CMTR1: variants seen among roughly 807,000 people sequenced by gnomAD.
CMTR1 encodes cap-specific mRNA (nucleoside-2'-O-)-methyltransferase 1.
In CMTR1, 39 loss-of-function variants were observed where a neutral mutation model predicts 107.0. The observed-to-expected ratio is 0.36, with a 90% CI of 0.28 to 0.48. CMTR1 has a LOEUF of 0.48. Ranked by LOEUF, CMTR1 falls within the 20% of genes least tolerant of loss-of-function variation. The probability of loss-of-function intolerance (pLI) is 0.99; values close to 1 mark genes in which losing one functional copy is unlikely to be tolerated. For synonymous variants in CMTR1, 366 were observed against 379.5 expected, an observed-to-expected ratio of 0.96 and a Z score of 0.41; for missense variants, 672 against 1,064.9, an observed-to-expected ratio of 0.63 and a Z score of 5.14.
rs1371111035 is a variant in CMTR1 at position 37,462,010 on chromosome 6, G to A, written c.1233G>A (p.Pro411=). 13 of 1,613,614 alleles carry A rather than the reference G, an allele frequency of 8.1e-6. 1 individual carries two copies. Among genetic ancestry groups the A allele is most frequent in the South Asian group, 2.2e-5 (2 of 91,056 alleles). ...GTAAAACCTTTGACCTGTTCACACC[G>A]TTTAGTGTGGGGCTTGTCTACCTGC... ...FICKTFDLFT[P]FSVGLVYLLY... is the part of the protein sequence containing the mutation. Residue 411 remains proline (P), a synonymous_variant, in exon 12 of 24, where the codon CCG becomes CCA. Transcript: ENST00000373451.
chr6:37,451,430 C>T (rs1164386615), intron 5 of CMTR1, among the ~76,000 whole-genome samples: 1 of 152,204 alleles, frequency 6.6e-6, no homozygotes, highest in Non-Finnish European at 1.5e-5. Flanking sequence ...CACAGAGAGG[C>T]TTCCTGGTGG....
intron 13 of CMTR1, among the ~76,000 whole-genome samples, chr6:37,470,116 C>CCTTT (rs1286700777): frequency 3.3e-5 from 5 of 151,702 alleles, no homozygotes; most frequent in Admixed American, 2.6e-4. Flanking sequence ...TATATCTTTG[C>CCTTT]TGAAAATCTT....
chr6:37,424,235 AC>A, the CMTR1 span, among the ~76,000 whole-genome samples: 1 of 124,244 alleles, frequency 8.0e-6, no homozygotes, highest in Non-Finnish European at 1.6e-5. Flanking sequence ...CTGCCTAAGT[AC>A]CTTTTTCTTT....
At chr6:37,474,060 TAA>T (rs1257376923) in intron 17 of CMTR1, among the ~76,000 whole-genome samples, 2 of 152,240 alleles carry the variant, frequency 1.3e-5, no homozygotes, top group Admixed American at 6.5e-5. Flanking sequence ...CTTAACTGGG[TAA>T]AGTCATTGCT....
chr6:37,458,584 C>G lies in CMTR1; in HGVS notation c.778-28C>G. 1.2e-6 allele frequency: 2 copies of G among 1,609,260 alleles called. No homozygotes were observed. Among genetic ancestry groups the G allele is most frequent in the Non-Finnish European group, 1.7e-6 (2 of 1,178,212 alleles). ...CCATTGAGCTGTCTTGTTTTCCTTC[C>G]TCTCCTGTCCTCCACTTGCCTTTGC... is the stretch of plus-strand genomic sequence containing the variant. On this transcript the variant is annotated intron_variant, in intron 8 of 23. Transcript: ENST00000373451. The surrounding 1 kb of genome is among the most constrained non-coding windows in gnomAD (Gnocchi z 4.7).
Position 37,470,126 on chromosome 6 carries a change from TC to T in CMTR1, c.1506-894del, listed in dbSNP as rs1256809935. ...GTTTCTATATCTTTGCTGAAAATCT[TC>T]ACCTTTTTATATATGTCATTCACCC... On this transcript the variant is annotated intron_variant, in intron 13 of 23. Coordinates refer to ENST00000373451, the MANE Select transcript of CMTR1 (RefSeq NM_015050.3). Among the ~76,000 whole-genome samples, 3 of 152,120 alleles carry T rather than the reference TC, an allele frequency of 2.0e-5. No homozygotes were observed. The East Asian group carries it at 5.8e-4, about 29-fold the overall frequency.
intron 3 of CMTR1, 120 bp from the exon 4 acceptor site, chr6:37,446,171 A>G (rs918081328): frequency 1.3e-5 from 15 of 1,127,070 alleles, no homozygotes; most frequent in Non-Finnish European, 1.8e-5. Flanking sequence ...AGGCTAAGAC[A>G]AACTTTAGAC....
Position 37,472,612 on chromosome 6 carries a change from A to G in CMTR1, c.1689+125A>G, listed in dbSNP as rs1581752060. On this transcript the variant is annotated intron_variant, in intron 16 of 23. Transcript: ENST00000373451. The surrounding 1 kb of genome is among the most constrained non-coding windows in gnomAD (Gnocchi z 4.1). ...GTGCAGATGCCCACCATGGGCTCTA[A>G]GGGGCGGAGCTAAGGCTGCCACAGG... 1 of 959,072 alleles carries G rather than the reference A, an allele frequency of 1.0e-6. No individual in the cohort carries two copies. Among genetic ancestry groups the G allele is most frequent in the Non-Finnish European group, 1.7e-6 (1 of 602,902 alleles). The allele number at this position is 959,072 out of a possible 1,614,324, so 59.4% of individuals were successfully genotyped here. A position where few individuals can be genotyped will look rare whatever the true frequency, so the allele number is the denominator to read the frequency against.
chr6:37,450,871 T>G (rs1761138725), intron 5 of CMTR1, among the ~76,000 whole-genome samples: 1 of 152,242 alleles, frequency 6.6e-6, no homozygotes, highest in Non-Finnish European at 1.5e-5. Flanking sequence ...ATAATGATAT[T>G]GAAAAGTTAT....
chr6:37,447,642 C>G (rs1771825890), intron 4 of CMTR1, among the ~76,000 whole-genome samples: 1 of 150,992 alleles, frequency 6.6e-6, no homozygotes, highest in Admixed American at 6.6e-5. Flanking sequence ...GGGTGGATCA[C>G]CTGAGGTCAG....
intron 16 of CMTR1, 63 bp from the exon 17 acceptor site, chr6:37,473,407 G>T: frequency 6.4e-7 from 1 of 1,562,778 alleles, no homozygotes; most frequent in Non-Finnish European, 8.7e-7. Flanking sequence ...CCCCAGCCCA[G>T]ATAGGCACCC....
chr6:37,472,398 C>A lies in CMTR1; in HGVS notation c.1621-21C>A. On this transcript the variant is annotated intron_variant, in intron 15 of 23. Transcript: ENST00000373451. This position sits in a 1 kb window ranked among gnomAD's most constrained non-coding sequence, Gnocchi z 4.1. ...TCAAAAGGGCATTTGAAAGTCAAAG[C>A]TCTTTGCTGTCTTATTTCAGATCCC... 3 of 1,613,594 alleles carry A rather than the reference C, an allele frequency of 1.9e-6. No homozygotes were observed. The highest frequency in any genetic ancestry group is 2.5e-6 in the Non-Finnish European group (3 of 1,179,452).
intron 8 of CMTR1, among the ~76,000 whole-genome samples, chr6:37,456,517 C>A (rs1190534459): frequency 6.6e-6 from 1 of 152,164 alleles, no homozygotes; most frequent in Non-Finnish European, 1.5e-5. Flanking sequence ...AAGAAAGGCC[C>A]ACCTCACCTA....
At chr6:37,473,985 C>T (rs1351072078) in intron 17 of CMTR1, among the ~76,000 whole-genome samples, 1 of 152,194 alleles carries the variant, frequency 6.6e-6, no homozygotes, top group Non-Finnish European at 1.5e-5. Context: ...ACTCCCTGTC[C>T]CTACCCTGGG....
At chr6:37,426,287 A>G in the CMTR1 span, among the ~76,000 whole-genome samples, 89 of 151,012 alleles carry the variant, frequency 5.9e-4, no homozygotes, top group African/African-American at 2.1e-3. Context: ...TTTCAGGGAC[A>G]TTTTCTGTTG....
At chr6:37,428,008 CAGAGAGAGAGAGAGAGAGAGAGAGAGAG>C in the CMTR1 span, among the ~76,000 whole-genome samples, 10 of 114,768 alleles carry the variant, frequency 8.7e-5, no homozygotes, top group African/African-American at 1.7e-4. Context: ...GCAACAGAGA[CAGAGAGAGAGAGAGAGAGAGAGAGAGAG>C]AGAGAGAGAG....
intron 2 of CMTR1, 115 bp downstream of exon 2, chr6:37,435,877 T>G (rs570731031): frequency 1.9e-6 from 2 of 1,067,514 alleles, no homozygotes; most frequent in Non-Finnish European, 2.6e-6. Flanking sequence ...TGAGGAAAAT[T>G]AGGAATACTC....
intron 17 of CMTR1, among the ~76,000 whole-genome samples, 181 bp downstream of exon 17, chr6:37,473,782 T>A (rs1485833060): frequency 6.6e-6 from 1 of 152,232 alleles, no homozygotes; most frequent in East Asian, 1.9e-4. Flanking sequence ...TTGCCAAGTG[T>A]CATTCATTCA....
upstream of CMTR1, among the ~76,000 whole-genome samples, chr6:37,428,313 T>A (rs1401743575): frequency 6.6e-6 from 1 of 152,194 alleles, no homozygotes; most frequent in East Asian, 1.9e-4. Context: ...TATGTTGTGT[T>A]GTTGTTGTTA....
Sources: allele counts gnomAD v4.1 joint callset (sites outside exome capture counted in the v4.1 genomes callset), GRCh38; gene constraint gnomAD v4.1.1; non-coding constraint Gnocchi (gnomAD v3.1); transcripts MANE v1.5; gene names NCBI Gene and HGNC (gene_info 2026-07-23, HGNC 2026-07-21).